Variants in HIP1 observed in about 807,000 individuals in gnomAD.
HIP1 encodes the protein huntingtin interacting protein 1.
A neutral mutation model predicts 147.6 loss-of-function variants in HIP1; 65 were observed. The ratio of observed to expected loss-of-function variants is 0.44; its 90% CI spans 0.36 to 0.54. The LOEUF is 0.54. HIP1 is among the 20% of genes least tolerant of loss of function. The probability of loss-of-function intolerance (pLI) is 0.00; values close to 1 mark genes in which losing one functional copy is unlikely to be tolerated. For missense variants in HIP1, 1,061 were observed against 1,299.6 expected, an observed-to-expected ratio of 0.82 and a Z score of 2.82; for synonymous variants, 479 against 504.0, an observed-to-expected ratio of 0.95 and a Z score of 0.67.
intron 1 of HIP1, among the ~76,000 whole-genome samples, chr7:75,738,005 T>TG (rs1802080808): frequency 6.6e-6 from 1 of 151,932 alleles, no homozygotes; most frequent in Non-Finnish European, 1.5e-5. Context: ...GAGAAAAAAA[T>TG]GGATTGTGGC....
intron 29 of HIP1, among the ~76,000 whole-genome samples, chr7:75,540,376 C>G (rs1250384496): frequency 1.3e-5 from 2 of 148,458 alleles, no homozygotes; most frequent in African/African-American, 5.0e-5. Context: ...TTGCAGTGAA[C>G]CAAGATCGTG....
At chr7:75,693,873 A>T (rs574253920) in intron 1 of HIP1, among the ~76,000 whole-genome samples, 5 of 151,412 alleles carry the variant, frequency 3.3e-5, no homozygotes, top group Non-Finnish European at 7.4e-5. Flanking sequence ...AATATCTAGC[A>T]TCCAGTGTGG....
chr7:75,603,281 G>A (rs1554503315), intron 1 of HIP1, among the ~76,000 whole-genome samples: 1 of 150,914 alleles, frequency 6.6e-6, no homozygotes, highest in African/African-American at 2.4e-5. Context: ...CCAGGAGGTT[G>A]AGAGTGCAGT....
In HIP1 at chr7:75,584,271, A is replaced by T. The variant is rs587768597; in HGVS notation, c.466-2120T>A. On this transcript the variant is annotated intron_variant, in intron 5 of 30. Coordinates refer to ENST00000336926, the MANE Select transcript of HIP1 (RefSeq NM_005338.7). ...GAGCCACCGCGCCTGGCCAAAAAAAATTTTTTTTAAGAGACAGGGTCTCAC... is the reference window on the plus strand; with the variant it reads ...GAGCCACCGCGCCTGGCCAAAAAAATTTTTTTTTAAGAGACAGGGTCTCAC... Among the ~76,000 whole-genome samples, 18 of 149,348 alleles carry T rather than the reference A, an allele frequency of 1.2e-4. No individual in the cohort carries two copies. In the South Asian group the frequency reaches 1.9e-3, roughly 16 times the overall value.
At chr7:75,579,219 C>T (rs1250874577) in intron 7 of HIP1, among the ~76,000 whole-genome samples, 1 of 152,138 alleles carries the variant, frequency 6.6e-6, no homozygotes, top group Non-Finnish European at 1.5e-5. Context: ...ATTTTTATTT[C>T]TCTACTGACT....
intron 7 of HIP1, 95 bp from the exon 8 acceptor site, chr7:75,573,996 G>A: frequency 2.8e-6 from 3 of 1,073,372 alleles, no homozygotes; most frequent in Non-Finnish European, 4.1e-6. Flanking sequence ...CATACACCAA[G>A]GACCGATTCT....
rs1554495915 is a variant in HIP1 at position 75,568,122 on chromosome 7, C to G, written c.803+77G>C. 9.5e-7 allele frequency: 1 copy of G among 1,053,586 alleles called. No homozygotes were observed. Among genetic ancestry groups the G allele is most frequent in the Non-Finnish European group, 1.5e-6 (1 of 670,726 alleles). The allele number at this position is 1,053,586 out of a possible 1,614,324, so 65.3% of individuals were successfully genotyped here. A position where few individuals can be genotyped will look rare whatever the true frequency, so the allele number is the denominator to read the frequency against. ...TGAACCACTGTGTCCAGCCACCTCT[C>G]ACAGTGCACTTGCATGGCTTAATGA... On this transcript the variant is annotated intron_variant, in intron 9 of 30. Coordinates refer to ENST00000336926, the MANE Select transcript of HIP1 (RefSeq NM_005338.7). The surrounding 1 kb of genome is among the most constrained non-coding windows in gnomAD (Gnocchi z 4.1).
chr7:75,554,433 T>C lies in HIP1; in HGVS notation c.2050+7A>G. 2 of 1,611,022 alleles carry C rather than the reference T, an allele frequency of 1.2e-6. No homozygotes were observed. ...AGCCGACAGAGACTGTCCTTGGCCA[T>C]TCTTACCTTCTGGGCAGGCCAGATA... On this transcript the variant is annotated splice_region_variant and intron_variant, in intron 20 of 30. Coordinates refer to ENST00000336926, the MANE Select transcript of HIP1 (RefSeq NM_005338.7).
rs374871007 is a variant in HIP1, at chr7:75,645,049, G to A, written c.121-45802C>T. On this transcript the variant is annotated intron_variant, in intron 1 of 30. Coordinates refer to ENST00000336926, the MANE Select transcript of HIP1 (RefSeq NM_005338.7). ...GGGCTTAGTTCAGGACACCTGAAAG[G>A]TGCAGCGTCACTCAGGAACTAGGAA... Among the ~76,000 whole-genome samples, 7 of 152,152 alleles carry A rather than the reference G, an allele frequency of 4.6e-5. No individual in the cohort carries two copies. In the East Asian group the frequency reaches 9.6e-4, roughly 21 times the overall value.
intron 8 of HIP1, among the ~76,000 whole-genome samples, chr7:75,572,225 GAA>G (rs5884970): frequency 1.7e-4 from 14 of 82,778 alleles, no homozygotes; most frequent in Middle Eastern, 7.5e-3. Context: ...CTCTGTCTCA[GAA>G]AAAAAAAAAA....
At chr7:75,550,823 G>T (rs1794754650) in intron 22 of HIP1, among the ~76,000 whole-genome samples, 1 of 152,006 alleles carries the variant, frequency 6.6e-6, no homozygotes, top group Admixed American at 6.6e-5. Flanking sequence ...TCCATGACTT[G>T]ATTTTTCACT....
intron 1 of HIP1, among the ~76,000 whole-genome samples, chr7:75,622,708 T>C (rs587644665): frequency 1.3e-5 from 2 of 152,218 alleles, no homozygotes; most frequent in Admixed American, 1.3e-4. Flanking sequence ...CCGGGCATGG[T>C]GGCTGGTGCC....
intron 1 of HIP1, among the ~76,000 whole-genome samples, chr7:75,658,561 TG>T (rs1350278235): frequency 2.0e-5 from 3 of 151,936 alleles, no homozygotes; most frequent in African/African-American, 7.3e-5. Context: ...TCGCTGGGTT[TG>T]GGTATTGGCA....
At chr7:75,701,552 A>G (rs782451449) in intron 1 of HIP1, among the ~76,000 whole-genome samples, 1 of 152,118 alleles carries the variant, frequency 6.6e-6, no homozygotes, top group Non-Finnish European at 1.5e-5. Context: ...TATTTTAAAA[A>G]ATGTTTTTTA....
At chr7:75,586,670 G>C in intron 5 of HIP1, 83 bp downstream of exon 5, 1 of 836,240 alleles carries the variant, frequency 1.2e-6, no homozygotes, top group Admixed American at 1.9e-5. Context: ...ACCTGAAAGA[G>C]CTGACAAATG....
intron 1 of HIP1, among the ~76,000 whole-genome samples, chr7:75,735,428 T>G (rs545600708): frequency 6.6e-6 from 1 of 152,336 alleles, no homozygotes; most frequent in African/African-American, 2.4e-5. Context: ...AATACAATGA[T>G]GTCCTTAGAA....
At chr7:75,641,476 T>C (rs1466574779) in intron 1 of HIP1, among the ~76,000 whole-genome samples, 1 of 144,466 alleles carries the variant, frequency 6.9e-6, no homozygotes, top group African/African-American at 2.7e-5. Context: ...CTTTCTTTTT[T>C]ATTTGCTCCT....
At chr7:75,648,182 G>A (rs951147821) in intron 1 of HIP1, among the ~76,000 whole-genome samples, 2 of 152,218 alleles carry the variant, frequency 1.3e-5, no homozygotes, top group Non-Finnish European at 2.9e-5. Flanking sequence ...GCTGGTTGGA[G>A]TAGCTGAGGG....
At chr7:75,634,846 G>A (rs909585726) in intron 1 of HIP1, among the ~76,000 whole-genome samples, 7 of 149,276 alleles carry the variant, frequency 4.7e-5, no homozygotes, top group African/African-American at 1.2e-4. Flanking sequence ...AGGCAGAGGC[G>A]AGACAATAGC....
Sources: allele counts gnomAD v4.1 joint callset (sites outside exome capture counted in the v4.1 genomes callset), GRCh38; gene constraint gnomAD v4.1.1; non-coding constraint Gnocchi (gnomAD v3.1); transcripts MANE v1.5; gene names NCBI Gene and HGNC (gene_info 2026-07-23, HGNC 2026-07-21).